MGAT4C: variants seen among roughly 807,000 people sequenced by gnomAD.
MGAT4C encodes the protein alpha-1,3-mannosyl-glycoprotein 4-beta-N-acetylglucosaminyltransferase C.
A neutral mutation model predicts 40.1 loss-of-function variants in MGAT4C; 19 were observed. The observed-to-expected ratio is 0.47, with a 90% CI of 0.33 to 0.70. The LOEUF is 0.70. MGAT4C is among the 30% of genes least tolerant of loss of function. The pLI, the probability that MGAT4C is intolerant of heterozygous loss-of-function variation, is 0.02. For synonymous variants in MGAT4C, 181 were observed against 187.1 expected, an observed-to-expected ratio of 0.97 and a Z score of 0.27; for missense variants, 491 against 563.2, an observed-to-expected ratio of 0.87 and a Z score of 1.30.
chr12:86,029,022 C>T lies in MGAT4C; in HGVS notation c.-7+20652G>A, dbSNP rs1890496566. ...ATTATCGAGATGGTCTTTTGACTGA[C>T]ATTTATAAAAGATTGAAATGATTAA... On this transcript the variant is annotated intron_variant, in intron 2 of 4. Coordinates refer to ENST00000611864, the MANE Select transcript of MGAT4C (RefSeq NM_001351288.2). 2.6e-5 allele frequency among the ~76,000 whole-genome samples: 4 copies of T among 151,782 alleles called. No individual in the cohort carries two copies. The South Asian group carries it at 8.3e-4, about 32-fold the overall frequency.
chr12:86,641,349 T>C (rs1457940892), intron 2 of MGAT4C, among the ~76,000 whole-genome samples: 4 of 151,402 alleles, frequency 2.6e-5, no homozygotes, highest in Admixed American at 1.3e-4. Context: ...AAGGGGAACA[T>C]TACACTCTGG....
chr12:86,437,284 A>G (rs944171450), intron 2 of MGAT4C, among the ~76,000 whole-genome samples: 10 of 151,814 alleles, frequency 6.6e-5, no homozygotes, highest in African/African-American at 1.9e-4. Context: ...CACAATTTGT[A>G]TTTATATATA....
At chr12:86,399,351 G>T (rs1251762274) in intron 3 of MGAT4C, among the ~76,000 whole-genome samples, 1 of 150,710 alleles carries the variant, frequency 6.6e-6, no homozygotes. Context: ...GCGCAATCTC[G>T]GCTCACAGCA....
chr12:86,033,908 TA>T (rs1890985147), intron 2 of MGAT4C, among the ~76,000 whole-genome samples: 1 of 149,624 alleles, frequency 6.7e-6, no homozygotes, highest in African/African-American at 2.4e-5. Context: ...TGATGGCTCT[TA>T]TTTTTTTAAT....
chr12:86,215,902 A>G (rs1290509901), intron 1 of MGAT4C, among the ~76,000 whole-genome samples: 1 of 151,900 alleles, frequency 6.6e-6, no homozygotes, highest in Non-Finnish European at 1.5e-5. Context: ...TCTCCCTCAG[A>G]TTTGAGCTCC....
intron 1 of MGAT4C, among the ~76,000 whole-genome samples, chr12:86,175,621 G>A (rs1020420040): frequency 3.3e-5 from 5 of 151,944 alleles, no homozygotes; most frequent in African/African-American, 1.2e-4. Flanking sequence ...ACATTTTAGT[G>A]TGGTAGTTCT....
intron 1 of MGAT4C, among the ~76,000 whole-genome samples, chr12:86,097,711 T>C (rs1874201796): frequency 6.6e-6 from 1 of 151,650 alleles, no homozygotes; most frequent in Non-Finnish European, 1.5e-5. Context: ...TAAGTACTTT[T>C]AATTCATTTA....
chr12:85,983,451 C>T (rs1196638538), intron 4 of MGAT4C, 72 bp downstream of exon 4: 1 of 1,325,850 alleles, frequency 7.5e-7, no homozygotes, highest in Non-Finnish European at 1.0e-6. Flanking sequence ...TTTTACTATA[C>T]ATGTGAAACT....
chr12:86,450,085 T>C (rs1311204602), intron 2 of MGAT4C, among the ~76,000 whole-genome samples: 3 of 152,138 alleles, frequency 2.0e-5, no homozygotes, highest in Non-Finnish European at 2.9e-5. Context: ...TTTTGCCCTA[T>C]TTATACTGTG....
intron 2 of MGAT4C, among the ~76,000 whole-genome samples, chr12:86,014,918 A>C (rs1888914740): frequency 6.6e-6 from 1 of 150,944 alleles, no homozygotes; most frequent in Admixed American, 6.6e-5. Context: ...AGTAGCTGGG[A>C]CTACTGGCAT....
intron 2 of MGAT4C, among the ~76,000 whole-genome samples, chr12:86,502,680 T>C (rs181723400): frequency 7.1e-6 from 1 of 141,816 alleles, no homozygotes; most frequent in East Asian, 2.9e-4. Flanking sequence ...TATACACGAG[T>C]TCTGCTCATA....
At chr12:86,409,797 G>C (rs1410987186) in intron 3 of MGAT4C, among the ~76,000 whole-genome samples, 2 of 152,058 alleles carry the variant, frequency 1.3e-5, no homozygotes, top group African/African-American at 4.8e-5. Context: ...TTATCACACA[G>C]CCTGGTTATC....
At chr12:86,154,965 T>C (rs958548008) in intron 1 of MGAT4C, among the ~76,000 whole-genome samples, 1 of 152,128 alleles carries the variant, frequency 6.6e-6, no homozygotes, top group Admixed American at 6.5e-5. Context: ...AATGTGTGTG[T>C]TCTGAAGAAA....
intron 2 of MGAT4C, among the ~76,000 whole-genome samples, chr12:86,617,718 A>T (rs77082486): frequency 0.031 from 4,664 of 151,616 alleles, 120 homozygotes; most frequent in African/African-American, 0.073. Context: ...AAAAAAAACT[A>T]AAACAATAAA....
chr12:86,210,164 T>C (rs1295485711), intron 1 of MGAT4C, among the ~76,000 whole-genome samples: 2 of 152,182 alleles, frequency 1.3e-5, no homozygotes, highest in Non-Finnish European at 2.9e-5. Flanking sequence ...TACACACAGA[T>C]AAATACGCTT....
Position 86,408,479 on chromosome 12 carries a change from C to CTCTCTCTCTCTATA in MGAT4C, c.-120+26677_-120+26678insTATAGAGAGAGAGA, listed in dbSNP as rs1267344319. Reference sequence around the variant, plus strand: ...TCTCTCTCTCTCTCTCTCTCTCTCTCTATATATATATATATATATATATAT... The same window carrying CTCTCTCTCTCTATA: ...TCTCTCTCTCTCTCTCTCTCTCTCTCTCTCTCTCTCTATATATATATATATATATATATATATAT... On this transcript the variant is annotated intron_variant, in intron 3 of 7. Coordinates refer to the MGAT4C transcript ENST00000548651. Among the ~76,000 whole-genome samples, 25 of 63,338 alleles carry CTCTCTCTCTCTATA rather than the reference C, an allele frequency of 3.9e-4. 1 individual carries two copies. The highest frequency in any genetic ancestry group is 7.1e-4 in the African/African-American group (9 of 12,762). The allele number at this position is 63,338 out of a possible 152,430, so 41.6% of individuals were successfully genotyped here.
intron 1 of MGAT4C, among the ~76,000 whole-genome samples, chr12:86,795,389 T>C (rs988045053): frequency 1.3e-5 from 2 of 151,968 alleles, no homozygotes; most frequent in Non-Finnish European, 2.9e-5. Context: ...TTTCTGCCCA[T>C]ATTGCCATTC....
chr12:86,774,351 C>T (rs1565981742), intron 1 of MGAT4C, among the ~76,000 whole-genome samples: 529 of 31,448 alleles, frequency 0.017, 11 homozygotes, highest in Non-Finnish European at 0.028. Flanking sequence ...GTCTCTCTCT[C>T]TCCCCTCTCT....
At chr12:86,426,118 C>T (rs1565754056) in intron 3 of MGAT4C, among the ~76,000 whole-genome samples, 1 of 152,064 alleles carries the variant, frequency 6.6e-6, no homozygotes, top group Non-Finnish European at 1.5e-5. Context: ...ACTTATTTTG[C>T]AGTCATTCAA....
Sources: gnomAD v4.1 joint callset for allele counts (sites outside exome capture counted in the v4.1 genomes callset) on GRCh38, gnomAD v4.1.1 for gene constraint, MANE v1.5 for transcripts, NCBI Gene and HGNC (gene_info 2026-07-23, HGNC 2026-07-21) for gene names.